The following PCSK4 variants were observed in gnomAD, a reference collection of about 807,000 sequenced individuals.
PCSK4 encodes the protein proprotein convertase subtilisin/kexin type 4, also known as testicular tissue protein Li 135.
Under a neutral mutation model 80.3 loss-of-function variants are expected in PCSK4, and 64 were observed. The observed-to-expected ratio is 0.80, with a 90% CI of 0.65 to 0.98. The LOEUF is 0.98. Ranked by LOEUF, PCSK4 falls within the 50% of genes least tolerant of loss-of-function variation. The pLI is 0.00. For synonymous variants in PCSK4, 561 were observed against 487.6 expected (o/e 1.15, Z -1.98); for missense variants, 1,213 against 1,093.6 (o/e 1.11, Z -1.54).
At chr19:1,487,529 G>A in intron 6 of PCSK4, 74 bp downstream of exon 6, 1 of 1,340,366 alleles carries the variant, frequency 7.5e-7, no homozygotes, top group Non-Finnish European at 1.0e-6. Context: ...CCGAGTCCTT[G>A]GGCCCAGCTC....
chr19:1,489,303 T>A (rs547249880), intron 2 of PCSK4, among the ~76,000 whole-genome samples: 84 of 152,218 alleles, frequency 5.5e-4, no homozygotes, highest in African/African-American at 2.0e-3. Context: ...GGCTAATTTT[T>A]TTGTATTTTC....
chr19:1,487,573 G>T, intron 6 of PCSK4, 30 bp downstream of exon 6: 1 of 1,526,922 alleles, frequency 6.5e-7, no homozygotes. Context: ...TCTCTGTCCC[G>T]GAATGGTGCC....
chr19:1,488,268 G>A lies in PCSK4; in HGVS notation c.307C>T (p.Gln103Ter). 6.2e-7 allele frequency: 1 copy of A among 1,613,002 alleles called. No homozygotes were observed. Among genetic ancestry groups the A allele is most frequent in the South Asian group, 1.1e-5 (1 of 90,992 alleles). ...ACCCGCCGCTGCAGCGTCTGCTGCT[G>A]GAACCACTGCACCTGCAGAGCAGAG... Residue 103 changes from glutamine (Q) to a stop codon, truncating the protein, a stop_gained, in exon 3 of 15, where the codon CAG becomes TAG. Transcript: ENST00000300954. LOFTEE classifies it high-confidence loss of function.
chr19:1,488,160 C>G, intron 3 of PCSK4, 28 bp downstream of exon 3: 2 of 1,613,422 alleles, frequency 1.2e-6, no homozygotes, highest in East Asian at 2.2e-5. Context: ...GCCCCGTCCC[C>G]GTCTACCCAC....
exon 10 of PCSK4, chr19:1,483,897 G>A: frequency 6.7e-7 from 1 of 1,490,420 alleles, no homozygotes. Context: ...CGGCTTGGAC[G>A]CGCGGACCAC....
At chr19:1,487,509 G>A in intron 6 of PCSK4, 94 bp downstream of exon 6, 1 of 1,168,298 alleles carries the variant, frequency 8.6e-7, no homozygotes. Context: ...AGCAGTGAGA[G>A]GGTGGGCTCC....
At chr19:1,486,108 G>C (rs1457115447) in intron 8 of PCSK4, among the ~76,000 whole-genome samples, 3 of 151,866 alleles carry the variant, frequency 2.0e-5, no homozygotes, top group African/African-American at 7.3e-5. Flanking sequence ...GAGTAGCTGG[G>C]ATTACAGGCG....
Position 1,490,357 on chromosome 19 carries a change from C to A in PCSK4, c.-11G>T. 9.2e-7 allele frequency: 1 copy of A among 1,081,430 alleles called. No individual in the cohort carries two copies. The highest frequency in any genetic ancestry group is 1.6e-5 in the South Asian group (1 of 62,622). 67.0% of individuals were successfully genotyped at this position (1,081,430 alleles called of 1,614,324 possible). A position where few individuals can be genotyped will look rare whatever the true frequency, so the allele number is the denominator to read the frequency against. On this transcript the variant is annotated 5_prime_UTR_variant, in exon 1 of 15. Coordinates refer to ENST00000300954, the Ensembl canonical transcript of PCSK4. ...CGGGGCGGGCCGCATGGAGGCGGGG[C>A]GGGAGCGGGGCCTGCGCAAATCCCC...
chr19:1,490,206 C>T, exon 1 of PCSK4: 4 of 1,613,470 alleles, frequency 2.5e-6, no homozygotes, highest in Admixed American at 1.7e-5. Context: ...GCTCGACCTC[C>T]CGGTTACCCT....
intron 11 of PCSK4, 43 bp from the exon 12 acceptor site, chr19:1,483,506 G>GGGGT: frequency 6.9e-7 from 1 of 1,440,196 alleles, no homozygotes; most frequent in Non-Finnish European, 9.5e-7. Context: ...GGCCTGCTGG[G>GGGGT]GGGTGGGTGG....
intron 2 of PCSK4, 47 bp downstream of exon 2, chr19:1,489,746 G>A: frequency 3.2e-6 from 5 of 1,567,794 alleles, no homozygotes; most frequent in Non-Finnish European, 4.3e-6. Context: ...GGCCCCAGGA[G>A]GCAGCTGAGA....
chr19:1,486,722 G>C (rs746112881), intron 8 of PCSK4, 131 bp downstream of exon 8: 4 of 765,358 alleles, frequency 5.2e-6, no homozygotes, highest in Non-Finnish European at 8.6e-6. Context: ...GTGAGCCACC[G>C]TGCTCGGCCT....
At position 1,482,058 on chromosome 19, in the gene PCSK4, A is replaced by G. The variant is rs758027269; in HGVS notation, c.1969T>C (p.Tyr657His). The G allele has an allele frequency of 2.9e-4, 445 of 1,556,572 alleles. No homozygotes were observed. Among genetic ancestry groups the G allele is most frequent in the Non-Finnish European group, 3.7e-4 (429 of 1,153,788 alleles). ...CTCGGGGAGCCGCCGCGGCAGGTGT[A>G]GCAGGAGGCATGGCAGCTGGAGCAG... The change falls in exon 15 of 15, where the codon TAC (tyrosine) becomes CAC (histidine). Residue 657 changes from tyrosine to histidine, a missense_variant. Physicochemically the swap from Tyr to His is moderately conservative, Grantham distance 83 (BLOSUM62 2). Coordinates refer to ENST00000300954, the Ensembl canonical transcript of PCSK4.
chr19:1,483,201 C>T (rs1309819427), intron 12 of PCSK4, 83 bp downstream of exon 12: 2 of 1,381,424 alleles, frequency 1.4e-6, no homozygotes, highest in Non-Finnish European at 1.9e-6. Context: ...GGCCTGGCCC[C>T]TCCCCGTGAG....
rs1162243524 is a variant in PCSK4 at position 1,487,682 on chromosome 19, G to T, written c.603C>A (p.Thr201=). ...TCGCGGCCACCTCCCCAGCACAGCG[G>T]GTCCCGTGCCTGGTGCCAGGGCCAA... Residue 201 remains threonine, a synonymous_variant, in exon 6 of 15, where the codon ACC becomes ACA. Transcript: ENST00000300954. The T allele has an allele frequency of 3.9e-6, 6 of 1,554,418 alleles. No homozygotes were observed. In the Admixed American group the frequency reaches 5.9e-5, roughly 15 times the overall value.
chr19:1,486,961 A>G (rs750243802), exon 8 of PCSK4: 8 of 1,608,806 alleles, frequency 5.0e-6, no homozygotes, highest in African/African-American at 1.3e-5. Flanking sequence ...TGCCCACGGA[A>G]AGCGTGTGGA....
intron 12 of PCSK4, 80 bp from the exon 13 acceptor site, chr19:1,483,100 G>T: frequency 7.3e-7 from 1 of 1,365,770 alleles, no homozygotes; most frequent in Non-Finnish European, 9.8e-7. Context: ...TGAAGTGTCT[G>T]ACCGCACGCG....
chr19:1,481,829 A>G, exon 15 of PCSK4: 1 of 1,551,018 alleles, frequency 6.4e-7, no homozygotes, highest in Non-Finnish European at 8.7e-7. Context: ...CCAGGCGTAT[A>G]GTGGGAGGTC....
Position 1,482,157 on chromosome 19 carries a change from G to A in PCSK4, c.1870C>T (p.Pro624Ser), listed in dbSNP as rs986784736. 1.3e-6 allele frequency: 2 copies of A among 1,559,766 alleles called. No individual in the cohort carries two copies. The highest frequency in any genetic ancestry group is 1.7e-6 in the Non-Finnish European group (2 of 1,160,904). Residue 624 changes from proline to serine, a missense_variant, in exon 15 of 15, where the codon CCC becomes TCC. By Grantham distance (74) the Pro-to-Ser change is moderately conservative. Coordinates refer to ENST00000300954, the Ensembl canonical transcript of PCSK4. ...CTTGTGTGGTTGAAGAACCGCGGGGGGCAGTAGGCCAGGCAGAGCTGTCCC... is the reference window on the plus strand; with the variant it reads ...CTTGTGTGGTTGAAGAACCGCGGGGAGCAGTAGGCCAGGCAGAGCTGTCCC...
Sources: gnomAD v4.1 joint callset for allele counts (sites outside exome capture counted in the v4.1 genomes callset) on GRCh38, gnomAD v4.1.1 for gene constraint, MANE v1.5 for transcripts, NCBI Gene and HGNC (gene_info 2026-07-23, HGNC 2026-07-21) for gene names.